The following KLC1 variants were observed in gnomAD, a reference collection of about 807,000 sequenced individuals.
KLC1 encodes the protein kinesin light chain 1.
A neutral mutation model predicts 84.2 loss-of-function variants in KLC1; 30 were observed. The ratio of observed to expected loss-of-function variants is 0.36; its 90% CI spans 0.27 to 0.48. The LOEUF (loss-of-function observed/expected upper bound fraction) is 0.48. Among genes scored for constraint, KLC1 ranks in the 20% least tolerant of loss-of-function variants. KLC1 has a pLI of 0.99. For missense variants in KLC1, 499 were observed against 805.4 expected, an observed-to-expected ratio of 0.62 and a Z score of 4.60; for synonymous variants, 289 against 293.3, an observed-to-expected ratio of 0.99 and a Z score of 0.15.
intron 1 of KLC1, among the ~76,000 whole-genome samples, chr14:103,635,913 C>T (rs1260596778): frequency 6.6e-6 from 1 of 152,080 alleles, no homozygotes; most frequent in East Asian, 1.9e-4. Context: ...CTTTGAATCA[C>T]CTTGCAGTAC....
intron 1 of KLC1, among the ~76,000 whole-genome samples, chr14:103,643,101 C>G (rs2077615906): frequency 6.6e-6 from 1 of 152,124 alleles, no homozygotes; most frequent in African/African-American, 2.4e-5. Flanking sequence ...TAGTATTTTA[C>G]TTATCACCTA....
chr14:103,634,358 A>G (rs1419185601), intron 1 of KLC1, among the ~76,000 whole-genome samples: 2 of 152,266 alleles, frequency 1.3e-5, no homozygotes, highest in Non-Finnish European at 1.5e-5. Context: ...TGGGTGATTC[A>G]CTGGCTGGTG....
At chr14:103,698,747 C>T in intron 15 of KLC1, 1 of 1,521,970 alleles carries the variant, frequency 6.6e-7, no homozygotes, top group Non-Finnish European at 8.9e-7. Flanking sequence ...AAGGCCCGAG[C>T]CCCGTGTGTC....
At chr14:103,670,568 C>T (rs1334073840) in intron 7 of KLC1, among the ~76,000 whole-genome samples, 1 of 151,896 alleles carries the variant, frequency 6.6e-6, no homozygotes, top group African/African-American at 2.4e-5. Flanking sequence ...ATCTCTTGAC[C>T]TCCTGATCCG....
intron 1 of KLC1, among the ~76,000 whole-genome samples, chr14:103,650,269 G>A (rs548612975): frequency 2.2e-4 from 33 of 152,048 alleles, no homozygotes; most frequent in Non-Finnish European, 3.7e-4. Context: ...TTCACTTGAC[G>A]TACAGGGAGA....
intron 13 of KLC1, chr14:103,685,422 C>T (rs1176307016): frequency 7.5e-6 from 9 of 1,195,526 alleles, no homozygotes; most frequent in Admixed American, 7.2e-5. Flanking sequence ...TGGGAATGGA[C>T]CAGTCTGGAT....
chr14:103,685,888 A>G, intron 13 of KLC1: 1 of 1,139,594 alleles, frequency 8.8e-7, no homozygotes, highest in Non-Finnish European at 1.1e-6. Flanking sequence ...AAATCCATTT[A>G]CTGTGTAATA....
At chr14:103,699,225 T>C (rs1332226568) in intron 15 of KLC1, 7 of 1,543,990 alleles carry the variant, frequency 4.5e-6, no homozygotes, top group Non-Finnish European at 6.1e-6. Flanking sequence ...GAGGGTCTTC[T>C]CGATGGTTAG....
chr14:103,685,575 G>T, intron 13 of KLC1: 1 of 1,289,230 alleles, frequency 7.8e-7, no homozygotes, highest in Non-Finnish European at 1.0e-6. Flanking sequence ...CTGTTATGCA[G>T]AGCCTGTTGC....
chr14:103,677,353 G>A (rs2080989710), intron 11 of KLC1, 62 bp from the exon 12 acceptor site: 1 of 940,704 alleles, frequency 1.1e-6, no homozygotes, highest in Non-Finnish European at 1.7e-6. Context: ...ATTATGTGCT[G>A]TTGATAGTGG....
At chr14:103,670,365 T>C in intron 7 of KLC1, 82 bp downstream of exon 7, 56 of 779,380 alleles carry the variant, frequency 7.2e-5, no homozygotes, top group Non-Finnish European at 1.0e-4. Context: ...TGAGATGGAG[T>C]CTCGTTCTGT....
intron 13 of KLC1, chr14:103,685,069 C>CGCAGG (rs2081671080): frequency 9.1e-6 from 14 of 1,545,236 alleles, no homozygotes; most frequent in Non-Finnish European, 1.2e-5. Flanking sequence ...CAGGCCCTGC[C>CGCAGG]GTCTGGCGCT....
chr14:103,654,560 C>G lies in KLC1; in HGVS notation c.-1-4C>G. The G allele has an allele frequency of 6.3e-7, 1 of 1,577,386 alleles. No homozygotes were observed. The highest frequency in any genetic ancestry group is 8.6e-7 in the Non-Finnish European group (1 of 1,162,666). On this transcript the variant is annotated splice_region_variant and splice_polypyrimidine_tract_variant and intron_variant, in intron 1 of 16. Transcript: ENST00000334553. ...TCTAATTTCTTTTTCTTTTTTCATTCCAGAATGTATGACAACATGTCCACA... is the reference window on the plus strand; with the variant it reads ...TCTAATTTCTTTTTCTTTTTTCATTGCAGAATGTATGACAACATGTCCACA...
intron 14 of KLC1, among the ~76,000 whole-genome samples, chr14:103,690,303 A>C (rs1288652916): frequency 1.3e-5 from 2 of 152,096 alleles, no homozygotes; most frequent in Admixed American, 1.3e-4. Flanking sequence ...GTAGAGAAAA[A>C]CCTGTTTGGG....
chr14:103,685,085 C>A, intron 13 of KLC1: 2 of 1,537,074 alleles, frequency 1.3e-6, no homozygotes, highest in South Asian at 2.4e-5. Flanking sequence ...GCGCTTCTGT[C>A]GAGACGTCGG....
At chr14:103,630,034 C>T (rs61995773) in intron 1 of KLC1, among the ~76,000 whole-genome samples, 12 of 152,282 alleles carry the variant, frequency 7.9e-5, no homozygotes, top group Non-Finnish European at 1.8e-4. Context: ...GCCTGTCATT[C>T]TCGCGGGCGG....
chr14:103,699,552 T>A (rs775909166), intron 15 of KLC1: 16 of 1,613,268 alleles, frequency 9.9e-6, no homozygotes, highest in Non-Finnish European at 1.3e-5. Context: ...GGGACCTTCT[T>A]ATTCACACAC....
chr14:103,685,213 A>C (rs569276884), intron 13 of KLC1: 1 of 1,420,364 alleles, frequency 7.0e-7, no homozygotes, highest in South Asian at 1.6e-5. Flanking sequence ...GGTTTCCTAA[A>C]GTTTCTGAAA....
chr14:103,662,989 C>A, intron 5 of KLC1, 62 bp downstream of exon 5: 1 of 1,118,316 alleles, frequency 8.9e-7, no homozygotes, highest in African/African-American at 1.6e-5. Flanking sequence ...ACCATCTTGC[C>A]CCTTAAAATA....
Sources: allele counts gnomAD v4.1 joint callset (sites outside exome capture counted in the v4.1 genomes callset), GRCh38; gene constraint gnomAD v4.1.1; transcripts MANE v1.5; gene names NCBI Gene and HGNC (gene_info 2026-07-23, HGNC 2026-07-21).